MACF1: variants seen among roughly 807,000 people sequenced by gnomAD.
The protein encoded by MACF1 is microtubule-actin cross-linking factor 1.
In MACF1, 193 loss-of-function variants were observed where a neutral mutation model predicts 854.8. That is an observed-to-expected ratio of 0.23 (90% CI 0.20 to 0.25). MACF1 has a LOEUF of 0.25. Among genes scored for constraint, MACF1 ranks in the 10% least tolerant of loss-of-function variants. MACF1 has a pLI of 1.00. For missense variants in MACF1, 7,722 were observed against 8,929.1 expected, an observed-to-expected ratio of 0.86 and a Z score of 5.45; for synonymous variants, 3,185 against 3,226.7, an observed-to-expected ratio of 0.99 and a Z score of 0.44.
At chr1:39,273,358 A>T (rs1645367340) in intron 6 of MACF1, among the ~76,000 whole-genome samples, 1 of 151,820 alleles carries the variant, frequency 6.6e-6, no homozygotes, top group Non-Finnish European at 1.5e-5. Flanking sequence ...TTAGGTGAAT[A>T]GTCAGATAAC....
At chr1:39,312,563 G>A (rs566026190) in intron 26 of MACF1, among the ~76,000 whole-genome samples, 5 of 152,184 alleles carry the variant, frequency 3.3e-5, no homozygotes, top group African/African-American at 4.8e-5. Flanking sequence ...GGTGGCTCAC[G>A]TCTGTAATCC....
chr1:39,150,115 T>C (rs1380967447), intron 2 of MACF1, among the ~76,000 whole-genome samples: 1 of 151,876 alleles, frequency 6.6e-6, no homozygotes, highest in African/African-American at 2.4e-5. Flanking sequence ...CCTCCTGCAC[T>C]CAAGCAATCC....
chr1:39,242,889 C>A (rs548125594), intron 2 of MACF1, among the ~76,000 whole-genome samples: 2 of 152,270 alleles, frequency 1.3e-5, no homozygotes, highest in South Asian at 4.1e-4. Context: ...GCCCCCGCAA[C>A]CCCTGTCTCT....
At position 39,459,145 on chromosome 1, in the gene MACF1, A is replaced by G. The variant is rs778323892; in HGVS notation, c.21256A>G (p.Lys7086Glu). The change falls in exon 91 of 101, where the codon AAA (lysine) becomes GAA (glutamate). Residue 7086 changes from lysine (K) to glutamate (E), a missense_variant. Around this residue, in one of 15 missense-constraint regions of MACF1, gnomAD observed 729 missense variants for 900.5 expected, o/e 0.81. Coordinates refer to ENST00000564288, the MANE Select transcript of MACF1 (RefSeq NM_001394062.1). ...GCCAATCCTTTCACAGTCTGAAGCA[A>G]AAAACCCACGGATCAACCAGCTTTC... ...PMPILSQSEA[K>E]NPRINQLSAR... 26 of 1,614,188 alleles carry G rather than the reference A, an allele frequency of 1.6e-5. No homozygotes were observed. The highest frequency in any genetic ancestry group is 2.0e-5 in the Non-Finnish European group (24 of 1,180,032).
Position 39,333,907 on chromosome 1 carries a change from T to C in MACF1, c.7319T>C (p.Ile2440Thr). Residue 2440 changes from isoleucine (I) to threonine (T), a missense_variant, in exon 37 of 101, where the codon ATA becomes ACA. Transcript: ENST00000564288. The part of the protein sequence containing the change: ...LVDVADQPEL[I>T]NLEKASKGRD... ...GACGTTGCTGACCAGCCAGAACTTATAAATCTGGAGAAAGCTTCCAAAGGT... is the reference window on the plus strand; with the variant it reads ...GACGTTGCTGACCAGCCAGAACTTACAAATCTGGAGAAAGCTTCCAAAGGT... 6 of 1,614,168 alleles carry C rather than the reference T, an allele frequency of 3.7e-6. No individual in the cohort carries two copies. The highest frequency in any genetic ancestry group is 1.3e-5 in the African/African-American group (1 of 75,040).
chr1:39,180,295 AG>A (rs1377162836), intron 2 of MACF1, among the ~76,000 whole-genome samples: 2 of 152,056 alleles, frequency 1.3e-5, no homozygotes, highest in Non-Finnish European at 2.9e-5. Context: ...TATTTTTCTT[AG>A]GGATGAGTTG....
intron 6 of MACF1, among the ~76,000 whole-genome samples, chr1:39,263,524 C>T (rs1645189330): frequency 1.3e-5 from 2 of 152,082 alleles, no homozygotes; most frequent in Non-Finnish European, 2.9e-5. Flanking sequence ...ATATTTGCTT[C>T]AGGGTTTTTT....
At chr1:39,366,621 A>G (rs1481591147) in intron 49 of MACF1, among the ~76,000 whole-genome samples, 1 of 151,652 alleles carries the variant, frequency 6.6e-6, no homozygotes, top group Non-Finnish European at 1.5e-5. Flanking sequence ...TTAATTTTAT[A>G]GCCTGCTACC....
Position 39,368,209 on chromosome 1 carries a change from C to A in MACF1, c.12833C>A (p.Thr4278Asn), listed in dbSNP as rs1383674749. ...CTAGATACTCTTGAGCACCTGGTCA[C>A]TGAACTGAGCTCTTGTGGCTTTGCG... ...ENLDTLEHLVTELSSCGFALD... is the reference protein window; with the variant it reads ...ENLDTLEHLVNELSSCGFALD... Residue 4278 changes from threonine to asparagine, a missense_variant, in exon 50 of 101, where the codon ACT becomes AAT. Physicochemically the swap from Thr to Asn is moderately conservative, Grantham distance 65. Around this residue, in one of 15 missense-constraint regions of MACF1, gnomAD observed 2,807 missense variants for 3,235.8 expected, o/e 0.87. Coordinates refer to ENST00000564288, the MANE Select transcript of MACF1 (RefSeq NM_001394062.1). 6.2e-7 allele frequency: 1 copy of A among 1,614,138 alleles called. No homozygotes were observed.
chr1:39,461,087 A>C (rs1014468067), intron 92 of MACF1, among the ~76,000 whole-genome samples: 3 of 151,652 alleles, frequency 2.0e-5, no homozygotes, highest in African/African-American at 7.3e-5. Context: ...CTGTCTCAAA[A>C]AAAAAAAAAA....
chr1:39,102,479 A>C (rs1642118544), intron 2 of MACF1, among the ~76,000 whole-genome samples: 1 of 151,986 alleles, frequency 6.6e-6, no homozygotes, highest in Non-Finnish European at 1.5e-5. Context: ...GTTTCAGCAG[A>C]AGCATGGGTA....
intron 58 of MACF1, chr1:39,414,667 T>C (rs1643218681): frequency 2.4e-6 from 2 of 828,936 alleles, no homozygotes; most frequent in South Asian, 2.3e-5. Context: ...TGAAAGACTT[T>C]ATAATTTCAT....
intron 58 of MACF1, chr1:39,412,301 CAG>C (rs1268201994): frequency 6.2e-7 from 1 of 1,613,930 alleles, no homozygotes; most frequent in Non-Finnish European, 8.5e-7. Flanking sequence ...AATTTACTAA[CAG>C]ATGAAATTCA....
In MACF1 at chr1:39,444,761, T is replaced by A. The variant is rs753046025; in HGVS notation, c.19531T>A (p.Ser6511Thr). ...LLSRDDSGSG[S>T]KTEQSVALLE... is the part of the protein sequence containing the mutation. Reference sequence around the variant, plus strand: ...AAGCCGTGACGACTCTGGGTCTGGCTCCAAGACAGAACAGAGTGTAGCACT... The same window carrying A: ...AAGCCGTGACGACTCTGGGTCTGGCACCAAGACAGAACAGAGTGTAGCACT... The change falls in exon 80 of 101, where the codon TCC (serine) becomes ACC (threonine). Residue 6511 changes from serine to threonine, a missense_variant. Physicochemically the swap from Ser to Thr is moderately conservative, Grantham distance 58. This residue lies in a region of MACF1 where 729 missense variants were observed against 900.5 expected (regional missense o/e 0.81). Transcript: ENST00000564288. The A allele has an allele frequency of 9.9e-6, 16 of 1,614,146 alleles. No individual in the cohort carries two copies. In the South Asian group the frequency reaches 1.8e-4, roughly 18 times the overall value.
chr1:39,241,659 C>CAAAAA (rs35678466), intron 2 of MACF1, among the ~76,000 whole-genome samples: 17 of 51,456 alleles, frequency 3.3e-4, no homozygotes, highest in Non-Finnish European at 4.3e-4. Flanking sequence ...GACTCCATCT[C>CAAAAA]AAAAAAAAAA....
chr1:39,410,243 T>C (rs769655671), intron 58 of MACF1: 1 of 1,518,498 alleles, frequency 6.6e-7, no homozygotes, highest in South Asian at 1.2e-5. Context: ...GAAAGATTGA[T>C]GGTTCATCTT....
rs141992111 is a variant in MACF1 at position 39,213,534 on chromosome 1, C to T, written c.109+8403C>T. Among the ~76,000 whole-genome samples the T allele has an allele frequency of 4.7e-3, 717 of 152,144 alleles. 7 individuals carry two copies. Among genetic ancestry groups the T allele is most frequent in the African/African-American group, 0.016 (669 of 41,502 alleles). ...ATTTTAGTTAGAGTCGGGGTTTTAC[C>T]GTGTTGGCCCCAGGGTGGTCTCGAA... On this transcript the variant is annotated intron_variant, in intron 1 of 100. Transcript: ENST00000564288.
chr1:39,478,299 G>A (rs946148564), intron 97 of MACF1, among the ~76,000 whole-genome samples: 15 of 152,100 alleles, frequency 9.9e-5, no homozygotes, highest in South Asian at 2.1e-4. Context: ...CACTTCGCCC[G>A]GCCAAGGGTC....
At chr1:39,475,415 G>A (rs1039838988) in intron 97 of MACF1, among the ~76,000 whole-genome samples, 3 of 148,534 alleles carry the variant, frequency 2.0e-5, no homozygotes, top group East Asian at 2.0e-4. Context: ...GCTACAGTGA[G>A]CCATGTTTGT....
Sources: gnomAD v4.1 joint callset for allele counts (sites outside exome capture counted in the v4.1 genomes callset) on GRCh38, gnomAD v4.1.1 for gene constraint, gnomAD v4.1.1 regional missense constraint, MANE v1.5 for transcripts, NCBI Gene and HGNC (gene_info 2026-07-23, HGNC 2026-07-21) for gene names.